Variants in NMNAT1 observed in about 807,000 individuals in gnomAD.
NMNAT1 encodes nicotinamide nucleotide adenylyltransferase 1.
Under a neutral mutation model 16.7 loss-of-function variants are expected in NMNAT1, and 11 were observed. That is an observed-to-expected ratio of 0.66 (90% CI 0.41 to 1.09). NMNAT1 has a LOEUF of 1.09. NMNAT1 is among the 50% of genes least tolerant of loss of function. The pLI is 0.00. For missense variants in NMNAT1, 280 were observed against 332.3 expected, an observed-to-expected ratio of 0.84 and a Z score of 1.22; for synonymous variants, 110 against 119.8, an observed-to-expected ratio of 0.92 and a Z score of 0.53.
intron 1 of NMNAT1, among the ~76,000 whole-genome samples, chr1:9,956,812 A>G (rs1570683937): frequency 6.7e-6 from 1 of 148,872 alleles, no homozygotes; most frequent in Admixed American, 6.8e-5. Context: ...GCTCACTGCA[A>G]CCTCCACCTC....
chr1:9,996,309 C>CAAAAA, the NMNAT1 span, among the ~76,000 whole-genome samples: 2 of 101,916 alleles, frequency 2.0e-5, no homozygotes, highest in Non-Finnish European at 4.1e-5. Context: ...GACTCCGTCT[C>CAAAAA]AAAAAAAAAA....
intron 2 of NMNAT1, among the ~76,000 whole-genome samples, chr1:9,975,031 T>C (rs1197218528): frequency 6.6e-6 from 1 of 151,820 alleles, no homozygotes; most frequent in African/African-American, 2.4e-5. Flanking sequence ...AAGTACAGAG[T>C]GTCAGTTGGG....
In NMNAT1 at chr1:9,953,722, T is replaced by A. The variant is rs574120837; in HGVS notation, c.-57+10207T>A. 5.9e-5 allele frequency among the ~76,000 whole-genome samples: 9 copies of A among 151,284 alleles called. No individual in the cohort carries two copies. In the East Asian group the frequency reaches 9.8e-4, roughly 16 times the overall value. The stretch of plus-strand genomic sequence containing the variant: ...TCCCAAAGTGCTGGGATTGCAGGCA[T>A]GAGCCACCACACCCGGCCCTATTTT... On this transcript the variant is annotated intron_variant, in intron 1 of 4. Transcript: ENST00000377205.
chr1:9,953,179 T>A (rs1349181444), intron 1 of NMNAT1, among the ~76,000 whole-genome samples: 3 of 151,872 alleles, frequency 2.0e-5, no homozygotes, highest in Non-Finnish European at 2.9e-5. Flanking sequence ...AGACGGGGTT[T>A]CACTGCATTA....
chr1:9,964,221 G>A (rs1380836791), intron 1 of NMNAT1, among the ~76,000 whole-genome samples: 2 of 151,442 alleles, frequency 1.3e-5, no homozygotes, highest in African/African-American at 4.8e-5. Context: ...CAGGTGTGGT[G>A]GTTCACACCT....
chr1:9,980,696 G>A (rs558461290), intron 3 of NMNAT1, among the ~76,000 whole-genome samples: 13 of 150,168 alleles, frequency 8.7e-5, no homozygotes, highest in Admixed American at 2.7e-4. Context: ...TCACTCTGTC[G>A]CCCAGGTTGG....
chr1:9,981,933 G>A (rs1057208373), intron 4 of NMNAT1, among the ~76,000 whole-genome samples: 3 of 151,458 alleles, frequency 2.0e-5, no homozygotes, highest in Non-Finnish European at 2.9e-5. Flanking sequence ...GCACAATCTC[G>A]GCTTACTGCA....
At chr1:9,966,693 T>TA (rs1352844701) in intron 1 of NMNAT1, among the ~76,000 whole-genome samples, 1 of 152,166 alleles carries the variant, frequency 6.6e-6, no homozygotes, top group Non-Finnish European at 1.5e-5. Context: ...TTTTTTAACT[T>TA]GTTGAAAACT....
intron 3 of NMNAT1, among the ~76,000 whole-genome samples, chr1:9,980,685 C>G (rs1326684591): frequency 6.6e-6 from 1 of 151,082 alleles, no homozygotes; most frequent in African/African-American, 2.4e-5. Flanking sequence ...GAGATGGAGT[C>G]TCACTCTGTC....
chr1:9,996,735 A>G, the NMNAT1 span, among the ~76,000 whole-genome samples: 231 of 152,212 alleles, frequency 1.5e-3, 1 homozygote, highest in African/African-American at 4.1e-3. Flanking sequence ...CCAGGAGGTA[A>G]CAAGCAGGAA....
At chr1:9,970,677 A>G (rs1641668488) in intron 1 of NMNAT1, among the ~76,000 whole-genome samples, 1 of 151,330 alleles carries the variant, frequency 6.6e-6, no homozygotes, top group Non-Finnish European at 1.5e-5. Flanking sequence ...CAACAGAGTG[A>G]GACTCCCGTC....
intron 1 of NMNAT1, among the ~76,000 whole-genome samples, chr1:9,965,562 C>G (rs1445403374): frequency 1.3e-5 from 2 of 151,704 alleles, no homozygotes; most frequent in African/African-American, 4.8e-5. Context: ...CGCCACCACA[C>G]TCGCTAATTT....
Position 9,968,912 on chromosome 1 carries a change from C to G in NMNAT1, c.-56-3106C>G, listed in dbSNP as rs1226115064. On this transcript the variant is annotated intron_variant, in intron 1 of 4. Transcript: ENST00000377205. The stretch of plus-strand genomic sequence containing the variant: ...CTGAGATCGTACCACTGCACCCCAG[C>G]CTGGGTGACAGAGCGAGACTCTGTC... 2.0e-5 allele frequency among the ~76,000 whole-genome samples: 3 copies of G among 149,344 alleles called. No individual in the cohort carries two copies. In the Admixed American group the frequency reaches 2.0e-4, roughly 10 times the overall value.
intron 1 of NMNAT1, among the ~76,000 whole-genome samples, chr1:9,971,118 A>G (rs1259173084): frequency 6.6e-6 from 1 of 152,164 alleles, no homozygotes; most frequent in African/African-American, 2.4e-5. Context: ...GTTGTCTATC[A>G]GTGGGAGCAT....
downstream of NMNAT1, among the ~76,000 whole-genome samples, chr1:9,987,503 G>C (rs546976577): frequency 1.3e-3 from 200 of 151,168 alleles, no homozygotes; most frequent in African/African-American, 4.7e-3. Flanking sequence ...TCCGGGCGTA[G>C]GTGGCGGGTG....
downstream of NMNAT1, among the ~76,000 whole-genome samples, chr1:9,988,734 AT>A (rs70998338): frequency 4.8e-3 from 617 of 128,522 alleles, 5 homozygotes; most frequent in African/African-American, 0.016. Flanking sequence ...GGGTACCTTG[AT>A]TTTTTTTTTT....
At chr1:9,990,784 G>C in the NMNAT1 span, among the ~76,000 whole-genome samples, 2 of 152,160 alleles carry the variant, frequency 1.3e-5, no homozygotes, top group East Asian at 3.8e-4. Flanking sequence ...CTTGTACACA[G>C]GTTTAGGACC....
Position 9,984,168 on chromosome 1 carries a change from C to T in NMNAT1, c.*1467C>T, listed in dbSNP as rs1642006886. On this transcript the variant is annotated 3_prime_UTR_variant, in exon 5 of 5. Transcript: ENST00000377205. ...GTTCAAGCAATTCTCCTGCCTCAGC[C>T]TGCTGAGTAGCTGGGATTACAGGCA... The T allele has an allele frequency of 6.6e-6, 1 of 152,336 alleles. No homozygotes were observed. Among genetic ancestry groups the T allele is most frequent in the Non-Finnish European group, 1.5e-5 (1 of 68,160 alleles). The allele number at this position is 152,336 out of a possible 1,614,324, so 9.4% of individuals were successfully genotyped here.
chr1:9,976,958 G>A (rs1641829269), intron 3 of NMNAT1, among the ~76,000 whole-genome samples: 2 of 150,176 alleles, frequency 1.3e-5, no homozygotes, highest in Non-Finnish European at 2.9e-5. Context: ...CCAAGCTGGA[G>A]TGCAATGGCA....
Sources: gnomAD v4.1 joint callset for allele counts (sites outside exome capture counted in the v4.1 genomes callset) on GRCh38, gnomAD v4.1.1 for gene constraint, MANE v1.5 for transcripts, NCBI Gene and HGNC (gene_info 2026-07-23, HGNC 2026-07-21) for gene names.